Variants in ABTB2 observed in about 807,000 individuals in gnomAD.
ABTB2 encodes the protein ankyrin repeat and BTB/POZ domain-containing protein 2.
ABTB2 carries 56 observed loss-of-function variants against 104.1 expected under a neutral mutation model. The observed-to-expected ratio is 0.54, with a 90% CI of 0.43 to 0.67. The LOEUF (loss-of-function observed/expected upper bound fraction) is 0.67, where lower values mean the gene tolerates loss of function less well. Among genes scored for constraint, ABTB2 ranks in the 30% least tolerant of loss-of-function variants. ABTB2 has a pLI of 0.00. For missense variants in ABTB2, 1,279 were observed against 1,407.7 expected (o/e 0.91, Z 1.46); for synonymous variants, 606 against 608.2 (o/e 1.00, Z 0.05).
At chr11:34,235,992 C>T (rs1338804201) in intron 1 of ABTB2, among the ~76,000 whole-genome samples, 2 of 152,188 alleles carry the variant, frequency 1.3e-5, no homozygotes, top group African/African-American at 4.8e-5. Context: ...CAGAAGCAGG[C>T]TGAGCGCCAG....
At chr11:34,155,083 C>T (rs1220032159) in intron 14 of ABTB2, among the ~76,000 whole-genome samples, 3 of 152,346 alleles carry the variant, frequency 2.0e-5, no homozygotes, top group Non-Finnish European at 2.9e-5. Context: ...GAAACTGAGA[C>T]CCAGGGAAGG....
At chr11:34,275,922 T>C (rs1157389710) in intron 1 of ABTB2, among the ~76,000 whole-genome samples, 1 of 152,144 alleles carries the variant, frequency 6.6e-6, no homozygotes, top group East Asian at 1.9e-4. Context: ...AAGACAGCTG[T>C]CGTCCTGGAA....
rs759992731 is a variant in ABTB2, at chr11:34,173,225, C to A, written c.1327G>T (p.Asp443Tyr). The change falls in exon 4 of 17, where the codon GAC becomes TAC. Residue 443 changes from aspartate to tyrosine, a missense_variant. By Grantham distance (160) the Asp-to-Tyr change is radical. Transcript: ENST00000435224. ...GCTGCCTGCCGGATGTCGCCGCTGT[C>A]CACGGTGAGGCTGCGGCGGTGCTCT... Reference protein sequence around the residue: ...YAEHRRSLTVDSGDIRQAARL... With the variant: ...YAEHRRSLTVYSGDIRQAARL... The A allele has an allele frequency of 8.1e-6, 13 of 1,613,546 alleles. No individual in the cohort carries two copies. Among genetic ancestry groups the A allele is most frequent in the Middle Eastern group, 1.7e-4 (1 of 6,060 alleles).
intron 1 of ABTB2, among the ~76,000 whole-genome samples, chr11:34,238,836 C>G (rs1203527676): frequency 1.3e-5 from 2 of 152,178 alleles, no homozygotes; most frequent in Admixed American, 6.5e-5. Flanking sequence ...TCACTGCAAC[C>G]TTGGCCTCCC....
intron 1 of ABTB2, among the ~76,000 whole-genome samples, chr11:34,338,098 C>T (rs183124571): frequency 2.0e-5 from 3 of 152,136 alleles, no homozygotes; most frequent in East Asian, 1.9e-4. Flanking sequence ...ATACAGATGT[C>T]GGCCAGGCAC....
intron 2 of ABTB2, among the ~76,000 whole-genome samples, chr11:34,200,838 T>C (rs1248413114): frequency 6.6e-6 from 1 of 152,128 alleles, no homozygotes; most frequent in Non-Finnish European, 1.5e-5. Context: ...GACCATCACA[T>C]GGCTGCTACT....
chr11:34,210,718 A>G (rs1295673721), intron 1 of ABTB2, among the ~76,000 whole-genome samples: 3 of 152,236 alleles, frequency 2.0e-5, no homozygotes, highest in Non-Finnish European at 4.4e-5. Context: ...TGGCCAAGGC[A>G]GCCAAGGCCA....
chr11:34,269,801 G>A (rs1311994522), intron 1 of ABTB2, among the ~76,000 whole-genome samples: 1 of 152,208 alleles, frequency 6.6e-6, no homozygotes, highest in African/African-American at 2.4e-5. Context: ...ACTCAGAGAG[G>A]TTGTGTGTGC....
At position 34,152,176 on chromosome 11, in the gene ABTB2, C is replaced by G. The variant is rs1852551470; in HGVS notation, c.*211G>C. The G allele has an allele frequency of 1.7e-6, 1 of 594,608 alleles. No individual in the cohort carries two copies. The highest frequency in any genetic ancestry group is 2.9e-6 in the Non-Finnish European group (1 of 339,724). 36.8% of individuals were successfully genotyped at this position (594,608 alleles called of 1,614,324 possible). On this transcript the variant is annotated 3_prime_UTR_variant, in exon 17 of 17. Transcript: ENST00000435224. ...GATGGGGAGGAGGGCCACCAGTTAG[C>G]TACATCTCCCCTTTGCCCATCAGTG...
In ABTB2 at chr11:34,357,779, A is replaced by G; in HGVS notation, c.-196T>C. On this transcript the variant is annotated 5_prime_UTR_variant, in exon 1 of 17. Coordinates refer to ENST00000435224, the MANE Select transcript of ABTB2 (RefSeq NM_145804.3). ...GAGATCCGTGGCCAGCAGGAGCCCC[A>G]CGCTCCCGGCGTCCCGACTCGCAGC... The G allele has an allele frequency of 1.7e-6, 1 of 576,762 alleles. No homozygotes were observed. The highest frequency in any genetic ancestry group is 2.9e-6 in the Non-Finnish European group (1 of 349,930). 35.7% of individuals were successfully genotyped at this position (576,762 alleles called of 1,614,324 possible).
chr11:34,227,290 A>G (rs1436817869), intron 1 of ABTB2, among the ~76,000 whole-genome samples: 2 of 151,878 alleles, frequency 1.3e-5, no homozygotes, highest in South Asian at 2.1e-4. Context: ...AAAAAAGAAA[A>G]AAAAAAAAAA....
Position 34,154,196 on chromosome 11 carries a change from A to G in ABTB2, c.2880+69T>C. ...CTCCTAGCTCATCCCCAGTGCAGCC[A>G]CACGGCCGAGGCCCCCGTGGAGCAG... On this transcript the variant is annotated intron_variant, in intron 16 of 16. Transcript: ENST00000435224. The surrounding 1 kb of genome is among the most constrained non-coding windows in gnomAD (Gnocchi z 4.9). The G allele has an allele frequency of 1.6e-6, 2 of 1,271,422 alleles. No homozygotes were observed. The highest frequency in any genetic ancestry group is 1.2e-5 in the South Asian group (1 of 80,776). The allele number at this position is 1,271,422 out of a possible 1,614,324, so 78.8% of individuals were successfully genotyped here. A position where few individuals can be genotyped will look rare whatever the true frequency, so the allele number is the denominator to read the frequency against.
intron 1 of ABTB2, among the ~76,000 whole-genome samples, chr11:34,306,395 C>T (rs1854772499): frequency 6.6e-6 from 1 of 151,672 alleles, no homozygotes; most frequent in South Asian, 2.1e-4. Context: ...TACAGGCGTG[C>T]ACCACCACAC....
intron 1 of ABTB2, among the ~76,000 whole-genome samples, chr11:34,244,274 G>A (rs527290655): frequency 6.6e-6 from 1 of 152,184 alleles, no homozygotes; most frequent in South Asian, 2.1e-4. Flanking sequence ...GAGATAAGAA[G>A]GCAATCTATC....
intron 1 of ABTB2, among the ~76,000 whole-genome samples, chr11:34,223,273 G>A (rs1255148527): frequency 1.3e-5 from 2 of 152,128 alleles, no homozygotes; most frequent in South Asian, 2.1e-4. Flanking sequence ...AGGTGGCAAC[G>A]TCCCAAAGAG....
At chr11:34,354,068 A>G (rs547196165) in intron 1 of ABTB2, among the ~76,000 whole-genome samples, 37 of 152,322 alleles carry the variant, frequency 2.4e-4, no homozygotes, top group Admixed American at 2.3e-3. Context: ...GACTTAATAA[A>G]TCAGCCTGGT....
At chr11:34,246,847 CTTTTT>C (rs199831054) in intron 1 of ABTB2, among the ~76,000 whole-genome samples, 2 of 118,278 alleles carry the variant, frequency 1.7e-5, no homozygotes, top group Non-Finnish European at 3.5e-5. Flanking sequence ...TTTCTTTTTT[CTTTTT>C]TTTTTTTTTT....
intron 2 of ABTB2, among the ~76,000 whole-genome samples, chr11:34,199,281 T>C (rs1001502741): frequency 6.6e-6 from 1 of 152,150 alleles, no homozygotes; most frequent in Admixed American, 6.5e-5. Flanking sequence ...ACCAGGAAAG[T>C]CCTCCTTGTC....
In ABTB2 at chr11:34,175,653, T is replaced by C. The variant is rs1392047311; in HGVS notation, c.1245-2346A>G. The stretch of plus-strand genomic sequence containing the variant: ...GTATTCTGATGTTCTGGTTCTGTCA[T>C]TTCCAATATTCCTGGGTTTGAACCA... On this transcript the variant is annotated intron_variant, in intron 3 of 16. Coordinates refer to ENST00000435224, the MANE Select transcript of ABTB2 (RefSeq NM_145804.3). Among the ~76,000 whole-genome samples the C allele has an allele frequency of 3.9e-5, 6 of 152,222 alleles. No homozygotes were observed. In the East Asian group the frequency reaches 1.2e-3, roughly 29 times the overall value.
Sources: gnomAD v4.1 joint callset for allele counts (sites outside exome capture counted in the v4.1 genomes callset) on GRCh38, gnomAD v4.1.1 for gene constraint, Gnocchi (gnomAD v3.1) non-coding constraint, MANE v1.5 for transcripts, NCBI Gene and HGNC (gene_info 2026-07-23, HGNC 2026-07-21) for gene names.